TANGO6: variants seen among roughly 807,000 people sequenced by gnomAD.
The protein encoded by TANGO6 is transport and golgi organization 6 homolog.
A neutral mutation model predicts 114.2 loss-of-function variants in TANGO6; 90 were observed. The ratio of observed to expected loss-of-function variants is 0.79; its 90% CI spans 0.66 to 0.94. The LOEUF is 0.94. Among genes scored for constraint, TANGO6 ranks in the 40% least tolerant of loss-of-function variants. TANGO6 has a pLI of 0.00. For missense variants in TANGO6, 1,274 were observed against 1,315.3 expected (o/e 0.97, Z 0.49); for synonymous variants, 477 against 509.8 (o/e 0.94, Z 0.87).
intron 12 of TANGO6, 68 bp from the exon 13 acceptor site, chr16:68,927,500 T>A: frequency 6.5e-7 from 1 of 1,527,168 alleles, no homozygotes; most frequent in Non-Finnish European, 8.9e-7. Flanking sequence ...ATATGTTTCC[T>A]GGTGCTCAGG....
intron 17 of TANGO6, among the ~76,000 whole-genome samples, chr16:69,082,108 C>G (rs984159829): frequency 1.3e-5 from 2 of 152,146 alleles, no homozygotes; most frequent in African/African-American, 2.4e-5. Context: ...CTCATCCTCC[C>G]AAGTAGCTGG....
At chr16:68,908,649 C>G in intron 10 of TANGO6, among the ~76,000 whole-genome samples, 1 of 152,126 alleles carries the variant, frequency 6.6e-6, no homozygotes, top group Middle Eastern at 3.2e-3. Flanking sequence ...GGTGAATAGC[C>G]TACAAAACCC....
chr16:68,885,815 A>G (rs1244445163), intron 7 of TANGO6: 3 of 152,186 alleles, frequency 2.0e-5, no homozygotes, highest in African/African-American at 7.2e-5. Flanking sequence ...CATTTTCACC[A>G]TTTGGCTCTT....
chr16:68,976,830 G>T (rs1963769650), intron 15 of TANGO6, among the ~76,000 whole-genome samples: 1 of 152,136 alleles, frequency 6.6e-6, no homozygotes, highest in South Asian at 2.1e-4. Context: ...GTTAATATTT[G>T]GCTTAATAAC....
chr16:69,054,569 A>G (rs1044123413), intron 17 of TANGO6, among the ~76,000 whole-genome samples: 2 of 152,148 alleles, frequency 1.3e-5, no homozygotes, highest in Admixed American at 1.3e-4. Context: ...GGCATCAGGC[A>G]TACAATATAT....
chr16:68,887,961 G>A (rs755260310), intron 7 of TANGO6, among the ~76,000 whole-genome samples: 5 of 152,068 alleles, frequency 3.3e-5, no homozygotes, highest in African/African-American at 7.2e-5. Flanking sequence ...AAAAGTATAG[G>A]GGAAGGGCTT....
chr16:69,024,238 C>T (rs1959462439), intron 16 of TANGO6, among the ~76,000 whole-genome samples: 1 of 150,760 alleles, frequency 6.6e-6, no homozygotes, highest in Non-Finnish European at 1.5e-5. Context: ...GCGTCTTGCC[C>T]CTGGCCTCTA....
chr16:69,053,151 A>G (rs536623067), intron 17 of TANGO6, among the ~76,000 whole-genome samples: 3 of 152,274 alleles, frequency 2.0e-5, no homozygotes, highest in African/African-American at 7.2e-5. Context: ...TTGTTATAAG[A>G]ATTAATTGAA....
At chr16:69,057,584 A>G (rs140582374) in intron 17 of TANGO6, among the ~76,000 whole-genome samples, 24 of 152,194 alleles carry the variant, frequency 1.6e-4, no homozygotes, top group South Asian at 6.2e-4. Context: ...ACCATTTTCT[A>G]TGTCCCTGTC....
At chr16:69,023,711 C>A (rs907716019) in intron 16 of TANGO6, among the ~76,000 whole-genome samples, 3 of 151,822 alleles carry the variant, frequency 2.0e-5, no homozygotes, top group Non-Finnish European at 4.4e-5. Context: ...GCCGAGGCAC[C>A]CTGTATTCAG....
At chr16:68,923,800 A>ATTTGT (rs145246572) in intron 12 of TANGO6, among the ~76,000 whole-genome samples, 6,051 of 150,932 alleles carry the variant, frequency 0.04, 174 homozygotes, top group East Asian at 0.16. Flanking sequence ...AGGAGGCATG[A>ATTTGT]TTTGTTTTGT....
At chr16:68,976,937 T>A (rs1390364734) in intron 15 of TANGO6, among the ~76,000 whole-genome samples, 1 of 152,242 alleles carries the variant, frequency 6.6e-6, no homozygotes, top group African/African-American at 2.4e-5. Flanking sequence ...ATATACTCAC[T>A]AGCCTATTAT....
intron 15 of TANGO6, among the ~76,000 whole-genome samples, chr16:68,992,727 T>A (rs1483837274): frequency 6.6e-6 from 1 of 152,202 alleles, no homozygotes; most frequent in African/African-American, 2.4e-5. Context: ...CAAGTCATTC[T>A]TATGTCCTTT....
intron 2 of TANGO6, 132 bp downstream of exon 2, chr16:68,860,656 A>G: frequency 8.3e-7 from 1 of 1,200,450 alleles, no homozygotes; most frequent in South Asian, 1.6e-5. Flanking sequence ...TATCCAATGG[A>G]TAAATGAATC....
chr16:68,914,878 G>GTT (rs112117841), intron 11 of TANGO6, among the ~76,000 whole-genome samples: 23 of 141,272 alleles, frequency 1.6e-4, no homozygotes, highest in African/African-American at 3.1e-4. Flanking sequence ...AGTTCCCTGG[G>GTT]TTTTTTTTTT....
chr16:69,003,678 A>T (rs956509315), intron 15 of TANGO6, among the ~76,000 whole-genome samples: 18 of 152,186 alleles, frequency 1.2e-4, no homozygotes, highest in Non-Finnish European at 2.1e-4. Context: ...TTAATTATAT[A>T]AAAAAGTTTA....
At chr16:69,052,049 A>T (rs553624511) in intron 17 of TANGO6, among the ~76,000 whole-genome samples, 35 of 148,798 alleles carry the variant, frequency 2.4e-4, no homozygotes, top group Non-Finnish European at 5.0e-4. Context: ...CTGGGCTCAG[A>T]CAATCCTCCC....
At position 68,854,993 on chromosome 16, in the gene TANGO6, A is replaced by G. The variant is rs371154294; in HGVS notation, c.95-4891A>G. On this transcript the variant is annotated intron_variant, in intron 1 of 17. Transcript: ENST00000261778. ...TGACTTTATAGATCAATTTGTGGAC[A>G]ATTGCCATCTTTTTTCTTTTTTTTT... is the stretch of plus-strand genomic sequence containing the variant. Among the ~76,000 whole-genome samples, 3 of 150,608 alleles carry G rather than the reference A, an allele frequency of 2.0e-5. No individual in the cohort carries two copies. The South Asian group carries it at 6.3e-4, about 32-fold the overall frequency.
At chr16:68,956,091 C>T (rs1200284134) in intron 14 of TANGO6, among the ~76,000 whole-genome samples, 1 of 152,102 alleles carries the variant, frequency 6.6e-6, no homozygotes, top group Non-Finnish European at 1.5e-5. Flanking sequence ...GTGGAGGTTG[C>T]AGTGGGCTGA....
Sources: allele counts gnomAD v4.1 joint callset (sites outside exome capture counted in the v4.1 genomes callset), GRCh38; gene constraint gnomAD v4.1.1; transcripts MANE v1.5; gene names NCBI Gene and HGNC (gene_info 2026-07-23, HGNC 2026-07-21).